MGAM: variants seen among roughly 807,000 people sequenced by gnomAD.
The protein encoded by MGAM is alpha-1,4-glucosidase.
A neutral mutation model predicts 358.8 loss-of-function variants in MGAM; 253 were observed. The ratio of observed to expected loss-of-function variants is 0.71; its 90% CI spans 0.64 to 0.78. MGAM has a LOEUF of 0.78. Among genes scored for constraint, MGAM ranks in the 30% least tolerant of loss-of-function variants. MGAM has a pLI of 0.00. For missense variants in MGAM, 3,080 were observed against 3,432.6 expected (o/e 0.90, Z 2.57); for synonymous variants, 1,105 against 1,227.1 (o/e 0.90, Z 2.08).
chr7:142,056,656 T>C (rs570977100), intron 29 of MGAM, among the ~76,000 whole-genome samples, 174 bp from the exon 30 acceptor site: 35 of 152,320 alleles, frequency 2.3e-4, no homozygotes, highest in African/African-American at 7.9e-4. Flanking sequence ...AACCCAGGAA[T>C]GGGACCTGTA....
rs1180914469 is a variant in MGAM, at chr7:142,093,489, C to G, written c.7111C>G (p.Pro2371Ala). 2 of 1,518,502 alleles carry G rather than the reference C, an allele frequency of 1.3e-6. 1 individual carries two copies. The highest frequency in any genetic ancestry group is 2.7e-5 in the African/African-American group (2 of 73,764). 94.1% of individuals were successfully genotyped at this position (1,518,502 alleles called of 1,614,324 possible). ...ESQQILPDGS[P>A]VQHYNVHNLY... is the part of the protein sequence containing the mutation. ...TCAGCAGATCCTCCCAGACGGCTCC[C>G]CGGTGCAGCACTACAATGTGCACAA... Residue 2371 changes from proline to alanine, a missense_variant, in exon 60 of 71, where the codon CCG becomes GCG. Physicochemically the swap from Pro to Ala is conservative, Grantham distance 27 (BLOSUM62 -1). This residue lies in a region of MGAM where 932 missense variants were observed against 1,198.2 expected (regional missense o/e 0.78). Coordinates refer to ENST00000475668, the MANE Select transcript of MGAM (RefSeq NM_001365693.1).
In MGAM at chr7:142,075,535, A is replaced by G. The variant is rs960934748; in HGVS notation, c.5276-668A>G. On this transcript the variant is annotated intron_variant, in intron 45 of 70. Transcript: ENST00000475668. ...ATGGATAAAAATGTTTGCAAACCAT[A>G]TATCTCAGAAGAGATTAATATCAAA... 3.4e-5 allele frequency among the ~76,000 whole-genome samples: 5 copies of G among 146,630 alleles called. 1 individual carries two copies. The highest frequency in any genetic ancestry group is 1.4e-4 in the Admixed American group (2 of 14,600).
chr7:142,032,128 T>A (rs1337166171), intron 13 of MGAM, among the ~76,000 whole-genome samples: 1 of 151,598 alleles, frequency 6.6e-6, no homozygotes, highest in Admixed American at 6.6e-5. Flanking sequence ...ATTGTTCAAT[T>A]GCTAGTTGAA....
intron 63 of MGAM, 94 bp downstream of exon 63, chr7:142,094,957 T>G: frequency 2.4e-6 from 3 of 1,250,386 alleles, no homozygotes; most frequent in Non-Finnish European, 3.2e-6. Flanking sequence ...CTGTGATATC[T>G]TTAAAATTTT....
At position 142,065,258 on chromosome 7, in the gene MGAM, G is replaced by T. The variant is rs556146866; in HGVS notation, c.4485-77G>T. 713 of 1,551,062 alleles carry T rather than the reference G, an allele frequency of 4.6e-4. 3 individuals carry two copies. The highest frequency in any genetic ancestry group is 1.8e-3 in the Middle Eastern group (8 of 4,340). Reference sequence around the variant, plus strand: ...GCAGCAAACATTGACTAGGCTCAAGGGCTCTGGGAGCAGAAGCTCTATGGC... The same window carrying T: ...GCAGCAAACATTGACTAGGCTCAAGTGCTCTGGGAGCAGAAGCTCTATGGC... On this transcript the variant is annotated intron_variant, in intron 37 of 70. Coordinates refer to ENST00000475668, the MANE Select transcript of MGAM (RefSeq NM_001365693.1).
chr7:142,070,701 G>A (rs1813268314), intron 43 of MGAM, among the ~76,000 whole-genome samples: 1 of 145,922 alleles, frequency 6.9e-6, no homozygotes, highest in African/African-American at 2.4e-5. Flanking sequence ...ATGGAAGGAT[G>A]GTCCCTTAGG....
chr7:142,101,297 A>C (rs1443497017), intron 68 of MGAM, among the ~76,000 whole-genome samples: 2 of 152,074 alleles, frequency 1.3e-5, no homozygotes, highest in Middle Eastern at 3.4e-3. Context: ...AGTTTATAGG[A>C]ATTGGTAAAC....
rs556568004 is a variant in MGAM, at chr7:142,105,575, A to T, written c.8185-239A>T. Among the ~76,000 whole-genome samples, 9 of 152,348 alleles carry T rather than the reference A, an allele frequency of 5.9e-5. No individual in the cohort carries two copies. In the East Asian group the frequency reaches 1.7e-3, roughly 29 times the overall value. On this transcript the variant is annotated intron_variant, in intron 70 of 70. Coordinates refer to ENST00000475668, the MANE Select transcript of MGAM (RefSeq NM_001365693.1). ...AGTGTTGGGATTACCGGCGTGAGCC[A>T]CCGCACCCGGCCCATATTGAATTAT...
intron 2 of MGAM, among the ~76,000 whole-genome samples, chr7:142,006,968 G>A (rs2128983816): frequency 6.6e-6 from 1 of 152,080 alleles, no homozygotes; most frequent in South Asian, 2.1e-4. Context: ...TTATTCCTTT[G>A]TAAACTGCTG....
intron 7 of MGAM, among the ~76,000 whole-genome samples, chr7:142,024,387 C>T (rs769536780): frequency 6.7e-6 from 1 of 148,242 alleles, no homozygotes; most frequent in Non-Finnish European, 1.5e-5. Flanking sequence ...GCACTCCAGT[C>T]TGGGCGACAG....
At chr7:142,066,545 T>A in intron 40 of MGAM, 28 bp from the exon 41 acceptor site, 1 of 1,551,150 alleles carries the variant, frequency 6.4e-7, no homozygotes, top group Non-Finnish European at 8.8e-7. Flanking sequence ...CAGGGCGAGC[T>A]CCCAACACTG....
At chr7:142,041,445 C>A (rs761602854) in intron 21 of MGAM, among the ~76,000 whole-genome samples, 1 of 152,010 alleles carries the variant, frequency 6.6e-6, no homozygotes, top group African/African-American at 2.4e-5. Context: ...ATCCCTGAAT[C>A]CAATGCCAGT....
chr7:142,054,637 A>G, intron 26 of MGAM, 117 bp from the exon 27 acceptor site: 1 of 1,135,686 alleles, frequency 8.8e-7, no homozygotes, highest in Non-Finnish European at 1.2e-6. Context: ...CTCAGATATC[A>G]TAAAGAAGAT....
At chr7:142,027,563 T>C in intron 9 of MGAM, 47 bp from the exon 10 acceptor site, 1 of 1,605,774 alleles carries the variant, frequency 6.2e-7, no homozygotes, top group East Asian at 2.2e-5. Flanking sequence ...AAAATTTTTA[T>C]TAAAAACAGA....
chr7:142,044,520 T>TTG (rs1554471868), intron 21 of MGAM, among the ~76,000 whole-genome samples: 6 of 53,302 alleles, frequency 1.1e-4, no homozygotes, highest in Admixed American at 5.4e-4. Flanking sequence ...ATAATGTATA[T>TTG]TATACACTTA....
chr7:142,013,576 G>C (rs1372209605), intron 3 of MGAM, among the ~76,000 whole-genome samples: 1 of 152,108 alleles, frequency 6.6e-6, no homozygotes, highest in Admixed American at 6.6e-5. Context: ...AAGACATAGG[G>C]AATTACTTTC....
In MGAM at chr7:142,047,634, C is replaced by T. The variant is rs568655236; in HGVS notation, c.2499-151C>T. On this transcript the variant is annotated intron_variant, in intron 21 of 70. Coordinates refer to ENST00000475668, the MANE Select transcript of MGAM (RefSeq NM_001365693.1). The stretch of plus-strand genomic sequence containing the variant: ...ACACTGTTGATATTAAAGATAGGGG[C>T]GCCTGTCAATTTTGTGTTTGTGCCT... 299 of 691,482 alleles carry T rather than the reference C, an allele frequency of 4.3e-4. 1 individual carries two copies. In the South Asian group the frequency reaches 4.5e-3, roughly 10 times the overall value. The allele number at this position is 691,482 out of a possible 1,614,324, so 42.8% of individuals were successfully genotyped here.
chr7:142,025,283 A>C (rs1445990941), intron 8 of MGAM, 134 bp downstream of exon 8: 2 of 640,874 alleles, frequency 3.1e-6, no homozygotes, highest in Non-Finnish European at 5.4e-6. Context: ...TAGATTCTCT[A>C]ATTGTGCTAT....
intron 26 of MGAM, 93 bp downstream of exon 26, chr7:142,053,077 A>C: frequency 7.4e-7 from 1 of 1,346,680 alleles, no homozygotes; most frequent in Non-Finnish European, 1.0e-6. Flanking sequence ...AAATAAGTTA[A>C]TCATGCTACA....
Sources: allele counts gnomAD v4.1 joint callset (sites outside exome capture counted in the v4.1 genomes callset), GRCh38; gene constraint gnomAD v4.1.1; regional missense constraint gnomAD v4.1.1; transcripts MANE v1.5; gene names NCBI Gene and HGNC (gene_info 2026-07-23, HGNC 2026-07-21).